AGBL4: variants seen among roughly 807,000 people sequenced by gnomAD.
AGBL4 encodes AGBL carboxypeptidase 4.
A neutral mutation model predicts 66.4 loss-of-function variants in AGBL4; 58 were observed. The observed-to-expected ratio is 0.87, with a 90% CI of 0.71 to 1.09. AGBL4 has a LOEUF of 1.09. AGBL4 is among the 50% of genes least tolerant of loss of function. The pLI is 0.00. For synonymous variants in AGBL4, 234 were observed against 222.9 expected (o/e 1.05, Z -0.44); for missense variants, 579 against 631.0 (o/e 0.92, Z 0.88).
At chr1:48,709,942 T>G (rs771129672) in intron 6 of AGBL4, among the ~76,000 whole-genome samples, 3 of 152,088 alleles carry the variant, frequency 2.0e-5, no homozygotes, top group African/African-American at 4.8e-5. Flanking sequence ...ATTAACCAAT[T>G]GAATCTTTGC....
chr1:49,140,741 G>C (rs992723263), intron 4 of AGBL4, among the ~76,000 whole-genome samples: 2 of 152,218 alleles, frequency 1.3e-5, no homozygotes, highest in African/African-American at 4.8e-5. Flanking sequence ...GAAATAGAAT[G>C]TGCAGGTGCT....
chr1:49,945,566 C>G (rs1473794048), intron 1 of AGBL4, among the ~76,000 whole-genome samples: 1 of 152,042 alleles, frequency 6.6e-6, no homozygotes, highest in Admixed American at 6.6e-5. Context: ...CTAAAAAGAG[C>G]TCTAAATCTT....
intron 9 of AGBL4, among the ~76,000 whole-genome samples, chr1:48,620,611 C>T (rs573739181): frequency 6.6e-6 from 1 of 152,068 alleles, no homozygotes; most frequent in Non-Finnish European, 1.5e-5. Context: ...ATAACCAGAG[C>T]TACAGCTGTT....
chr1:48,574,499 A>C (rs1411143495), intron 11 of AGBL4, among the ~76,000 whole-genome samples: 1 of 151,966 alleles, frequency 6.6e-6, no homozygotes. Context: ...GAGCTTCATA[A>C]ATACCATAAA....
intron 3 of AGBL4, among the ~76,000 whole-genome samples, chr1:49,560,737 G>A (rs181926786): frequency 6.6e-6 from 1 of 152,112 alleles, no homozygotes; most frequent in East Asian, 1.9e-4. Flanking sequence ...AACATAAAAT[G>A]GAGCTCCAGT....
Position 48,888,371 on chromosome 1 carries a change from G to T in AGBL4, c.595-21141C>A, listed in dbSNP as rs542785625. Reference sequence around the variant, plus strand: ...CTGGGTATCCTTCTGCCTCAAAACCGCACTATCCTTCTGTCCGTTAGAGGA... The same window carrying T: ...CTGGGTATCCTTCTGCCTCAAAACCTCACTATCCTTCTGTCCGTTAGAGGA... On this transcript the variant is annotated intron_variant, in intron 5 of 13. Coordinates refer to ENST00000371839, the MANE Select transcript of AGBL4 (RefSeq NM_032785.4). Among the ~76,000 whole-genome samples the T allele has an allele frequency of 3.9e-5, 6 of 152,188 alleles. No homozygotes were observed. The South Asian group carries it at 1.2e-3, about 32-fold the overall frequency.
chr1:49,111,475 A>G (rs976951177), intron 4 of AGBL4, among the ~76,000 whole-genome samples: 2 of 152,136 alleles, frequency 1.3e-5, no homozygotes, highest in African/African-American at 4.8e-5. Context: ...TCTTCCTTCT[A>G]TTTGGCATGA....
At chr1:48,731,502 G>A (rs1441755840) in intron 6 of AGBL4, among the ~76,000 whole-genome samples, 1 of 152,140 alleles carries the variant, frequency 6.6e-6, no homozygotes, top group East Asian at 1.9e-4. Flanking sequence ...GGCACTGGGT[G>A]CTCTAAGATG....
At chr1:49,524,249 T>C (rs1192272167) in intron 3 of AGBL4, among the ~76,000 whole-genome samples, 1 of 152,122 alleles carries the variant, frequency 6.6e-6, no homozygotes, top group Non-Finnish European at 1.5e-5. Flanking sequence ...CTGTTCTACA[T>C]ACATTAATTA....
rs543708780 is a variant in AGBL4 at position 49,524,003 on chromosome 1, A to T, written c.282+173310T>A. Among the ~76,000 whole-genome samples the T allele has an allele frequency of 3.4e-4, 51 of 152,162 alleles. 1 individual carries two copies. In the South Asian group the frequency reaches 9.8e-3, roughly 29 times the overall value. On this transcript the variant is annotated intron_variant, in intron 3 of 13. Coordinates refer to ENST00000371839, the MANE Select transcript of AGBL4 (RefSeq NM_032785.4). ...CATCATCATCATGAAGACAGCACTA[A>T]CAATTTCTTGAGTGCTTGCTATGTG...
intron 5 of AGBL4, among the ~76,000 whole-genome samples, chr1:48,997,169 C>T (rs1334349320): frequency 2.0e-5 from 3 of 152,096 alleles, no homozygotes; most frequent in South Asian, 4.1e-4. Flanking sequence ...GTGATCCACC[C>T]GCCTTGGCCT....
chr1:49,151,760 G>A (rs1255646910), intron 4 of AGBL4, among the ~76,000 whole-genome samples: 1 of 152,140 alleles, frequency 6.6e-6, no homozygotes, highest in African/African-American at 2.4e-5. Context: ...ATATTTCAGT[G>A]TTGTAAAAAG....
intron 5 of AGBL4, among the ~76,000 whole-genome samples, chr1:48,882,859 C>A (rs1649926527): frequency 6.6e-6 from 1 of 152,142 alleles, no homozygotes; most frequent in Non-Finnish European, 1.5e-5. Context: ...TAAATGAGAT[C>A]ATATAGTACT....
At chr1:49,965,770 T>C (rs974664378) in intron 1 of AGBL4, among the ~76,000 whole-genome samples, 2 of 152,188 alleles carry the variant, frequency 1.3e-5, no homozygotes, top group African/African-American at 4.8e-5. Flanking sequence ...AACAAGGAAG[T>C]TGGGCTGCTT....
intron 5 of AGBL4, among the ~76,000 whole-genome samples, chr1:49,003,339 A>T (rs1661536931): frequency 6.6e-6 from 1 of 152,204 alleles, no homozygotes; most frequent in African/African-American, 2.4e-5. Context: ...CAGAGGTTGT[A>T]GTGAGCCGAG....
intron 4 of AGBL4, among the ~76,000 whole-genome samples, chr1:49,189,069 G>A (rs1049360468): frequency 6.6e-6 from 1 of 152,098 alleles, no homozygotes; most frequent in Admixed American, 6.6e-5. Context: ...GAAAGAGGAG[G>A]GTAGCTATGC....
intron 4 of AGBL4, among the ~76,000 whole-genome samples, chr1:49,141,559 TA>T (rs1161811172): frequency 2.6e-5 from 4 of 151,954 alleles, no homozygotes; most frequent in Non-Finnish European, 5.9e-5. Context: ...GACTCTGACA[TA>T]AGACATAAGG....
At chr1:49,737,890 G>A (rs1355740562) in intron 2 of AGBL4, among the ~76,000 whole-genome samples, 1 of 152,224 alleles carries the variant, frequency 6.6e-6, no homozygotes. Flanking sequence ...CTCCCAGCAT[G>A]AGCAACACAG....
intron 4 of AGBL4, among the ~76,000 whole-genome samples, chr1:49,147,854 T>C (rs916179195): frequency 6.6e-6 from 1 of 151,988 alleles, no homozygotes; most frequent in Non-Finnish European, 1.5e-5. Flanking sequence ...CAAAGCCCTG[T>C]GGCCAGGTCT....
Sources: allele counts gnomAD v4.1 joint callset (sites outside exome capture counted in the v4.1 genomes callset), GRCh38; gene constraint gnomAD v4.1.1; transcripts MANE v1.5; gene names NCBI Gene and HGNC (gene_info 2026-07-23, HGNC 2026-07-21).